TTLL13: variants seen among roughly 807,000 people sequenced by gnomAD.
TTLL13 encodes the protein tubulin tyrosine ligase like 13.
the TTLL13 span, chr15:90,257,630 T>G: frequency 6.2e-7 from 1 of 1,613,976 alleles, no homozygotes; most frequent in African/African-American, 1.3e-5. Flanking sequence ...GGCCACTCTT[T>G]CCACAGGACA....
At chr15:90,263,293 G>A in the TTLL13 span, 1 of 701,320 alleles carries the variant, frequency 1.4e-6, no homozygotes, top group Non-Finnish European at 2.3e-6. Context: ...GACCTTGGGA[G>A]AGGGTCTGTT....
At chr15:90,251,889 TTTTGAGACAGAGTCTCGC>T in the TTLL13 span, among the ~76,000 whole-genome samples, 1 of 152,050 alleles carries the variant, frequency 6.6e-6, no homozygotes, top group African/African-American at 2.4e-5. Context: ...ATTTATTTAT[TTTTGAGACAGAGTCTCGC>T]TTTGTCATCC....
At chr15:90,255,801 T>C in the TTLL13 span, 1 of 1,614,196 alleles carries the variant, frequency 6.2e-7, no homozygotes, top group Non-Finnish European at 8.5e-7. Flanking sequence ...CGCAAAGATC[T>C]GCTGGCTCGG....
the TTLL13 span, among the ~76,000 whole-genome samples, chr15:90,254,184 C>A: frequency 9.9e-6 from 1 of 101,364 alleles, no homozygotes; most frequent in East Asian, 5.5e-4. Context: ...CAGAGTGAGA[C>A]CCTGTTTTTT....
the TTLL13 span, chr15:90,251,722 G>A: frequency 1.1e-6 from 1 of 918,462 alleles, no homozygotes; most frequent in East Asian, 2.6e-5. Flanking sequence ...CCTCTAACCT[G>A]TACTGAGCTT....
At chr15:90,256,746 C>T in the TTLL13 span, among the ~76,000 whole-genome samples, 108,612 of 151,276 alleles carry the variant, frequency 0.72, 39,886 homozygotes, top group African/African-American at 0.87. Context: ...TGGAGTGCAG[C>T]GGCACGATCT....
the TTLL13 span, chr15:90,262,805 G>T: frequency 8.2e-7 from 1 of 1,215,546 alleles, no homozygotes; most frequent in Non-Finnish European, 1.1e-6. Context: ...AATTGAATCC[G>T]ATCCTTTGGA....
the TTLL13 span, chr15:90,257,298 G>A: frequency 6.2e-7 from 1 of 1,600,452 alleles, no homozygotes. Context: ...GGACTGGGAA[G>A]CACTCTTCTT....
the TTLL13 span, among the ~76,000 whole-genome samples, chr15:90,252,850 A>C: frequency 6.6e-6 from 1 of 152,100 alleles, no homozygotes; most frequent in African/African-American, 2.4e-5. Context: ...TAAAAATACA[A>C]AAATTACCCA....
chr15:90,250,634 G>A, the TTLL13 span: 2 of 1,612,706 alleles, frequency 1.2e-6, no homozygotes, highest in African/African-American at 2.7e-5. Context: ...TGAGAGAATG[G>A]AGCCGAGTAC....
At chr15:90,264,735 G>C in the TTLL13 span, 1 of 1,536,070 alleles carries the variant, frequency 6.5e-7, no homozygotes, top group Non-Finnish European at 8.7e-7. Context: ...CAAGCCAGCA[G>C]AAGGCTAGAA....
the TTLL13 span, chr15:90,265,413 G>T: frequency 1.6e-6 from 2 of 1,271,080 alleles, no homozygotes; most frequent in East Asian, 4.0e-5. Context: ...CTGGGCAGCC[G>T]CTGGGGCGGA....
At chr15:90,262,409 C>T in the TTLL13 span, 1 of 1,359,084 alleles carries the variant, frequency 7.4e-7, no homozygotes, top group Non-Finnish European at 9.7e-7. Context: ...TAATTTCCTG[C>T]TCTTTCCTCA....
chr15:90,261,946 C>A, the TTLL13 span: 23 of 1,355,278 alleles, frequency 1.7e-5, no homozygotes, highest in Non-Finnish European at 2.2e-5. Flanking sequence ...GTCAGTCTTC[C>A]TTTCCCTACT....
At chr15:90,254,137 G>A in the TTLL13 span, among the ~76,000 whole-genome samples, 1 of 151,492 alleles carries the variant, frequency 6.6e-6, no homozygotes, top group African/African-American at 2.4e-5. Flanking sequence ...AGGTTGCAGT[G>A]AGCAGAGATC....
At chr15:90,257,261 G>A in the TTLL13 span, 1 of 1,612,702 alleles carries the variant, frequency 6.2e-7, no homozygotes, top group South Asian at 1.1e-5. Flanking sequence ...GCCCTATATG[G>A]AGCCCAGCCA....
At chr15:90,262,178 G>A in the TTLL13 span, 17 of 1,534,490 alleles carry the variant, frequency 1.1e-5, no homozygotes, top group Admixed American at 2.0e-4. Flanking sequence ...CAAGGCCAGA[G>A]AGGAGTGTGC....
chr15:90,251,694 TG>T, the TTLL13 span: 6 of 1,399,764 alleles, frequency 4.3e-6, no homozygotes, highest in Non-Finnish European at 6.1e-6. Context: ...TTCCAGCCCC[TG>T]GGGCCTGGCG....
the TTLL13 span, chr15:90,258,069 G>A: frequency 1.2e-6 from 2 of 1,614,200 alleles, no homozygotes; most frequent in Non-Finnish European, 1.7e-6. Flanking sequence ...CTGGCTGCAA[G>A]AGCACAGCTA....
Sources: allele counts gnomAD v4.1 joint callset (sites outside exome capture counted in the v4.1 genomes callset), GRCh38; gene constraint gnomAD v4.1.1; transcripts MANE v1.5; gene names NCBI Gene and HGNC (gene_info 2026-07-23, HGNC 2026-07-21).